The following HECTD2 variants were observed in gnomAD, a reference collection of about 807,000 sequenced individuals.
HECTD2 encodes HECT domain E3 ubiquitin protein ligase 2.
A neutral mutation model predicts 103.2 loss-of-function variants in HECTD2; 35 were observed. That is an observed-to-expected ratio of 0.34 (90% CI 0.26 to 0.45). The LOEUF (loss-of-function observed/expected upper bound fraction) is 0.45, where lower values mean the gene tolerates loss of function less well. Ranked by LOEUF, HECTD2 falls within the 20% of genes least tolerant of loss-of-function variation. The pLI, the probability that HECTD2 is intolerant of heterozygous loss-of-function variation, is 1.00. For synonymous variants in HECTD2, 281 were observed against 329.9 expected (o/e 0.85, Z 1.61); for missense variants, 596 against 937.4 (o/e 0.64, Z 4.76).
chr10:91,470,206 C>A (rs1389070907), intron 5 of HECTD2, among the ~76,000 whole-genome samples: 4 of 152,124 alleles, frequency 2.6e-5, no homozygotes, highest in Admixed American at 6.5e-5. Context: ...TGTCATTTGA[C>A]CAAATGGACC....
At chr10:91,485,395 C>T (rs985569188) in intron 10 of HECTD2, 92 bp downstream of exon 10, 17 of 886,986 alleles carry the variant, frequency 1.9e-5, no homozygotes, top group South Asian at 8.5e-5. Context: ...TTTACACATA[C>T]GTTTACATAT....
At chr10:91,453,746 G>C (rs1359264174) in intron 2 of HECTD2, among the ~76,000 whole-genome samples, 1 of 152,040 alleles carries the variant, frequency 6.6e-6, no homozygotes, top group Non-Finnish European at 1.5e-5. Context: ...GATATTGTCA[G>C]AGTAAACCAA....
chr10:91,425,720 C>A (rs1261640102), intron 2 of HECTD2, among the ~76,000 whole-genome samples: 1 of 150,594 alleles, frequency 6.6e-6, no homozygotes, highest in Non-Finnish European at 1.5e-5. Context: ...TAATGGATAT[C>A]CCATATTTGA....
intron 5 of HECTD2, 23 bp from the exon 6 acceptor site, chr10:91,478,178 T>A (rs1328198039): frequency 6.5e-7 from 1 of 1,541,672 alleles, no homozygotes; most frequent in Non-Finnish European, 9.0e-7. Flanking sequence ...CCTAATTACC[T>A]TACTGTTTTC....
intron 15 of HECTD2, 92 bp from the exon 16 acceptor site, chr10:91,498,016 A>C: frequency 1.3e-6 from 1 of 787,236 alleles, no homozygotes. Flanking sequence ...TATGATCTTT[A>C]TATACATATG....
intron 10 of HECTD2, chr10:91,486,478 C>G (rs2133297272): frequency 6.6e-6 from 1 of 152,256 alleles, no homozygotes; most frequent in South Asian, 2.1e-4. Context: ...CACTGGTGTA[C>G]CAAGAATGAG....
At chr10:91,453,787 GA>G (rs1022847574) in intron 2 of HECTD2, among the ~76,000 whole-genome samples, 1 of 152,038 alleles carries the variant, frequency 6.6e-6, no homozygotes, top group African/African-American at 2.4e-5. Context: ...CTATTTATAA[GA>G]AATTTGCTTC....
At chr10:91,412,545 C>T (rs1352490709) in intron 1 of HECTD2, among the ~76,000 whole-genome samples, 10 of 150,068 alleles carry the variant, frequency 6.7e-5, no homozygotes, top group African/African-American at 2.0e-4. Flanking sequence ...ATCTCTGCCT[C>T]TCGTGTTCAA....
At chr10:91,493,352 C>T in intron 13 of HECTD2, 68 bp from the exon 14 acceptor site, 1 of 725,254 alleles carries the variant, frequency 1.4e-6, no homozygotes, top group African/African-American at 1.8e-5. Context: ...ATGTCATGTA[C>T]ATGTTTACCA....
chr10:91,441,748 T>C (rs1399491222), intron 2 of HECTD2, among the ~76,000 whole-genome samples: 3 of 38,178 alleles, frequency 7.9e-5, no homozygotes, highest in Non-Finnish European at 1.3e-4. Flanking sequence ...GGTACTCCTG[T>C]ATTGGGTGCA....
intron 20 of HECTD2, among the ~76,000 whole-genome samples, chr10:91,510,446 AC>A (rs1183785412): frequency 6.6e-6 from 1 of 152,210 alleles, no homozygotes; most frequent in Non-Finnish European, 1.5e-5. Context: ...AAAATCCTGG[AC>A]ACATTTTTTC....
intron 2 of HECTD2, among the ~76,000 whole-genome samples, chr10:91,432,843 G>C (rs1292309123): frequency 6.6e-6 from 1 of 151,922 alleles, no homozygotes; most frequent in Non-Finnish European, 1.5e-5. Context: ...AGCATACTGT[G>C]ATCTTTGTCA....
At chr10:91,439,596 T>TA (rs1844305405) in intron 2 of HECTD2, among the ~76,000 whole-genome samples, 2 of 152,280 alleles carry the variant, frequency 1.3e-5, no homozygotes, top group South Asian at 4.2e-4. Context: ...AAACGTAAAG[T>TA]AGTTTTTTCT....
At chr10:91,480,292 T>C (rs1023876162) in intron 6 of HECTD2, among the ~76,000 whole-genome samples, 13 of 152,096 alleles carry the variant, frequency 8.5e-5, no homozygotes, top group Non-Finnish European at 1.5e-4. Context: ...CTAGGTAGGA[T>C]AGGAAAGGAC....
intron 2 of HECTD2, among the ~76,000 whole-genome samples, chr10:91,460,103 A>G (rs1282482181): frequency 1.3e-5 from 2 of 152,160 alleles, no homozygotes; most frequent in Non-Finnish European, 2.9e-5. Context: ...ACCCCCGGAA[A>G]GATGACTTTT....
chr10:91,419,137 A>C (rs1843249879), intron 1 of HECTD2, among the ~76,000 whole-genome samples: 1 of 152,150 alleles, frequency 6.6e-6, no homozygotes, highest in African/African-American at 2.4e-5. Context: ...AAAAATGTTG[A>C]TCTTGTAAGG....
chr10:91,492,332 T>C lies in HECTD2; in HGVS notation c.1300-20T>C. On this transcript the variant is annotated intron_variant, in intron 12 of 20. Coordinates refer to ENST00000298068, the MANE Select transcript of HECTD2 (RefSeq NM_182765.6). ...TTCACTGCTCTTTGTTCTCCTCTAC[T>C]GTATAATATCTTCAAATAGCTAACC... The C allele has an allele frequency of 6.2e-7, 1 of 1,605,596 alleles. No individual in the cohort carries two copies. The highest frequency in any genetic ancestry group is 8.5e-7 in the Non-Finnish European group (1 of 1,173,154).
rs539518000 is a variant in HECTD2, at chr10:91,417,088, G to A, written c.138+6512G>A. 2.6e-5 allele frequency among the ~76,000 whole-genome samples: 4 copies of A among 152,288 alleles called. No individual in the cohort carries two copies. In the East Asian group the frequency reaches 7.7e-4, roughly 29 times the overall value. ...AGAAAGATCAACAGAAGATGAATGA[G>A]GAAGTAGGTGGAGATGAGAAAGCTC... is the stretch of plus-strand genomic sequence containing the variant. On this transcript the variant is annotated intron_variant, in intron 1 of 20. Coordinates refer to ENST00000298068, the MANE Select transcript of HECTD2 (RefSeq NM_182765.6).
At chr10:91,458,646 C>A (rs541194215) in intron 2 of HECTD2, among the ~76,000 whole-genome samples, 11 of 151,928 alleles carry the variant, frequency 7.2e-5, no homozygotes, top group Non-Finnish European at 1.3e-4. Context: ...GGAAAAATAA[C>A]CTTTTCAATA....
Sources: allele counts gnomAD v4.1 joint callset (sites outside exome capture counted in the v4.1 genomes callset), GRCh38; gene constraint gnomAD v4.1.1; transcripts MANE v1.5; gene names NCBI Gene and HGNC (gene_info 2026-07-23, HGNC 2026-07-21).